KIF1B: variants seen among roughly 807,000 people sequenced by gnomAD.
KIF1B encodes kinesin-like protein KIF1B.
A neutral mutation model predicts 241.9 loss-of-function variants in KIF1B; 76 were observed. The observed-to-expected ratio is 0.31, with a 90% CI of 0.26 to 0.38. The LOEUF (loss-of-function observed/expected upper bound fraction) is 0.38, where lower values mean the gene tolerates loss of function less well. KIF1B is among the 10% of genes least tolerant of loss of function. The pLI is 1.00. For missense variants in KIF1B, 1,622 were observed against 2,271.4 expected, an observed-to-expected ratio of 0.71 and a Z score of 5.81; for synonymous variants, 750 against 796.7, an observed-to-expected ratio of 0.94 and a Z score of 0.99.
rs4240913 is a variant in KIF1B, at chr1:10,377,746, G to A, written c.*1159G>A. Reference sequence around the variant, plus strand: ...GAGATCAGGAGTTCAAGACCAGCCTGGCCAATATGATGAAACCCCGTCTCT... The same window carrying A: ...GAGATCAGGAGTTCAAGACCAGCCTAGCCAATATGATGAAACCCCGTCTCT... On this transcript the variant is annotated 3_prime_UTR_variant, in exon 49 of 49. Coordinates refer to ENST00000676179, the MANE Select transcript of KIF1B (RefSeq NM_001365951.3). The A allele has an allele frequency of 0.1, 18,987 of 185,554 alleles. 1,182 individuals are homozygous for A. Among genetic ancestry groups the A allele is most frequent in the South Asian group, 0.18 (970 of 5,282 alleles). The allele number at this position is 185,554 out of a possible 1,614,324, so 11.5% of individuals were successfully genotyped here.
chr1:10,276,863 T>C (rs1649139189), intron 12 of KIF1B, among the ~76,000 whole-genome samples: 2 of 152,204 alleles, frequency 1.3e-5, no homozygotes, highest in Non-Finnish European at 1.5e-5. Context: ...GGCGGATCAC[T>C]TGAGGTCAGG....
chr1:10,279,023 T>C (rs907266363), intron 13 of KIF1B, 74 bp from the exon 14 acceptor site: 4 of 1,079,416 alleles, frequency 3.7e-6, no homozygotes, highest in Admixed American at 2.0e-5. Context: ...CAAAAACTGC[T>C]CTGTTCCCTC....
chr1:10,212,682 G>A (rs1288121562), intron 1 of KIF1B, among the ~76,000 whole-genome samples: 4 of 151,682 alleles, frequency 2.6e-5, no homozygotes, highest in Admixed American at 6.6e-5. Context: ...TCAGGAGTTC[G>A]AGACCACCCT....
intron 41 of KIF1B, among the ~76,000 whole-genome samples, chr1:10,364,513 A>G (rs898853969): frequency 6.6e-6 from 1 of 152,040 alleles, no homozygotes; most frequent in East Asian, 1.9e-4. Flanking sequence ...CCCATAGTGT[A>G]TAGACTACTA....
intron 22 of KIF1B, chr1:10,304,957 G>A (rs1650755616): frequency 1.8e-6 from 2 of 1,121,070 alleles, no homozygotes; most frequent in Non-Finnish European, 2.2e-6. Context: ...ATGTAAGTTT[G>A]TTATGTTTTT....
At chr1:10,309,070 A>G (rs1210746336) in intron 22 of KIF1B, among the ~76,000 whole-genome samples, 2 of 152,150 alleles carry the variant, frequency 1.3e-5, no homozygotes, top group African/African-American at 2.4e-5. Context: ...CAGAGTATTG[A>G]TGGTACACTA....
At chr1:10,297,311 C>T in intron 22 of KIF1B, 65 bp downstream of exon 22, 2 of 1,424,064 alleles carry the variant, frequency 1.4e-6, no homozygotes, top group Non-Finnish European at 2.0e-6. Context: ...TTTCCCTGTT[C>T]CACAGAGCAG....
intron 38 of KIF1B, among the ~76,000 whole-genome samples, chr1:10,356,964 T>G (rs1257655103): frequency 6.6e-6 from 1 of 152,090 alleles, no homozygotes; most frequent in African/African-American, 2.4e-5. Flanking sequence ...ACTGCAACCT[T>G]GAATTCCTGG....
At chr1:10,235,862 C>CAAAAAAAAAAAAAAAAAAAACA in intron 2 of KIF1B, among the ~76,000 whole-genome samples, 1 of 70,380 alleles carries the variant, frequency 1.4e-5, no homozygotes, top group Non-Finnish European at 2.7e-5. Context: ...AACACTGTCT[C>CAAAAAAAAAAAAAAAAAAAACA]AAAAAAAAAA....
intron 38 of KIF1B, 24 bp from the exon 39 acceptor site, chr1:10,360,905 T>A: frequency 6.6e-7 from 1 of 1,510,596 alleles, no homozygotes; most frequent in Non-Finnish European, 9.2e-7. Context: ...TTTGGATGAT[T>A]CCCTCTTGTC....
chr1:10,273,384 T>C (rs1408868270), intron 10 of KIF1B, among the ~76,000 whole-genome samples: 1 of 152,112 alleles, frequency 6.6e-6, no homozygotes, highest in Non-Finnish European at 1.5e-5. Context: ...TGAAACTCTG[T>C]CTCTACTAAA....
Position 10,337,036 on chromosome 1 carries a change from A to G in KIF1B, c.3130-38A>G. 2 of 1,613,714 alleles carry G rather than the reference A, an allele frequency of 1.2e-6. No individual in the cohort carries two copies. The highest frequency in any genetic ancestry group is 1.7e-6 in the Non-Finnish European group (2 of 1,179,838). On this transcript the variant is annotated intron_variant, in intron 29 of 48. Coordinates refer to ENST00000676179, the MANE Select transcript of KIF1B (RefSeq NM_001365951.3). The surrounding 1 kb of genome is among the most constrained non-coding windows in gnomAD (Gnocchi z 4.0). ...CAACTGGGGAAAAATACGTTTTTAT[A>G]CTACTTTACCATGTATCTGCCCCTG... is the stretch of plus-strand genomic sequence containing the variant.
chr1:10,365,003 C>G lies in KIF1B; in HGVS notation c.4367-97C>G. The G allele has an allele frequency of 1.1e-6, 1 of 948,602 alleles. No individual in the cohort carries two copies. Among genetic ancestry groups the G allele is most frequent in the Non-Finnish European group, 1.5e-6 (1 of 671,040 alleles). 58.8% of individuals were successfully genotyped at this position (948,602 alleles called of 1,614,324 possible). A position where few individuals can be genotyped will look rare whatever the true frequency, so the allele number is the denominator to read the frequency against. Reference sequence around the variant, plus strand: ...CCTGGGCAACAGAGCGAGACTCCATCTCAAAAAAAAAAAAAAAAGAATTAT... The same window carrying G: ...CCTGGGCAACAGAGCGAGACTCCATGTCAAAAAAAAAAAAAAAAGAATTAT... On this transcript the variant is annotated intron_variant, in intron 41 of 48. Transcript: ENST00000676179. This position sits in a 1 kb window ranked among gnomAD's most constrained non-coding sequence, Gnocchi z 4.0.
intron 2 of KIF1B, among the ~76,000 whole-genome samples, chr1:10,246,811 C>T (rs1350663261): frequency 6.6e-6 from 1 of 151,558 alleles, no homozygotes; most frequent in Non-Finnish European, 1.5e-5. Context: ...TGTCACCCCT[C>T]TGCTTAAAAT....
intron 22 of KIF1B, among the ~76,000 whole-genome samples, chr1:10,300,259 A>AATAATAAT (rs1220878647): frequency 8.1e-5 from 12 of 148,608 alleles, no homozygotes; most frequent in African/African-American, 2.9e-4. Context: ...TAATAATAAT[A>AATAATAAT]ATAATAATAT....
rs142892855 is a variant in KIF1B at position 10,267,308 on chromosome 1, G to C, written c.430-72G>C. The C allele has an allele frequency of 6.8e-3, 9,278 of 1,370,868 alleles. 470 individuals carry two copies. The African/African-American group carries it at 0.11, about 17-fold the overall frequency. 84.9% of individuals were successfully genotyped at this position (1,370,868 alleles called of 1,614,324 possible). A position where few individuals can be genotyped will look rare whatever the true frequency, so the allele number is the denominator to read the frequency against. ...CTCCCAAAGTGCTGGGATTACAGGC[G>C]TGAGCCACCGCGCCCGGCTTCTGTA... On this transcript the variant is annotated intron_variant, in intron 5 of 48. Transcript: ENST00000676179.
chr1:10,305,986 A>G, intron 22 of KIF1B: 1 of 1,051,938 alleles, frequency 9.5e-7, no homozygotes, highest in South Asian at 4.6e-5. Context: ...AACTACAGCC[A>G]AGATAGCAGT....
At position 10,295,195 on chromosome 1, in the gene KIF1B, G is replaced by A. The variant is rs186502555; in HGVS notation, c.1670+30G>A. On this transcript the variant is annotated intron_variant, in intron 18 of 48. Coordinates refer to ENST00000676179, the MANE Select transcript of KIF1B (RefSeq NM_001365951.3). ...ATTTATTTCCTGTTTTGGTCACTTC[G>A]TGTGTTTTCCCCCTCTTAGATAATT... 176 of 1,326,088 alleles carry A rather than the reference G, an allele frequency of 1.3e-4. 2 individuals carry two copies. The African/African-American group carries it at 2.3e-3, about 17-fold the overall frequency. 82.1% of individuals were successfully genotyped at this position (1,326,088 alleles called of 1,614,324 possible).
chr1:10,279,297 T>C (rs114542067), intron 14 of KIF1B, among the ~76,000 whole-genome samples, 159 bp downstream of exon 14: 2,570 of 152,330 alleles, frequency 0.017, 39 homozygotes, highest in Non-Finnish European at 0.026. Context: ...TTTGCCCTTC[T>C]TCATTTAGCA....
Sources: gnomAD v4.1 joint callset for allele counts (sites outside exome capture counted in the v4.1 genomes callset) on GRCh38, gnomAD v4.1.1 for gene constraint, Gnocchi (gnomAD v3.1) non-coding constraint, MANE v1.5 for transcripts, NCBI Gene and HGNC (gene_info 2026-07-23, HGNC 2026-07-21) for gene names.